Variants in PLEKHH2 observed in about 807,000 individuals in gnomAD.
PLEKHH2 encodes pleckstrin homology, MyTH4 and FERM domain containing H2.
A neutral mutation model predicts 187.9 loss-of-function variants in PLEKHH2; 129 were observed. The ratio of observed to expected loss-of-function variants is 0.69; its 90% CI spans 0.59 to 0.79. PLEKHH2 has a LOEUF of 0.79. PLEKHH2 is among the 30% of genes least tolerant of loss of function. The probability of loss-of-function intolerance (pLI) is 0.00; values close to 1 mark genes in which losing one functional copy is unlikely to be tolerated. For synonymous variants in PLEKHH2, 686 were observed against 605.6 expected (o/e 1.13, Z -1.95); for missense variants, 2,076 against 1,751.2 (o/e 1.19, Z -3.31).
chr2:43,753,591 A>G lies in PLEKHH2; in HGVS notation c.3654-28A>G, dbSNP rs1271436016. On this transcript the variant is annotated intron_variant, in intron 24 of 29. Transcript: ENST00000282406. ...TATTTCCTTGTAAGAATATAATTTAATGAGAAATTTACTCTTTTTTTTTAC... is the reference window on the plus strand; with the variant it reads ...TATTTCCTTGTAAGAATATAATTTAGTGAGAAATTTACTCTTTTTTTTTAC... 3 of 1,424,712 alleles carry G rather than the reference A, an allele frequency of 2.1e-6. No individual in the cohort carries two copies. In the African/African-American group the frequency reaches 4.4e-5, roughly 21 times the overall value. 88.3% of individuals were successfully genotyped at this position (1,424,712 alleles called of 1,614,324 possible). A position where few individuals can be genotyped will look rare whatever the true frequency, so the allele number is the denominator to read the frequency against.
chr2:43,676,558 C>A (rs547120374), intron 2 of PLEKHH2, among the ~76,000 whole-genome samples: 1 of 152,054 alleles, frequency 6.6e-6, no homozygotes, highest in African/African-American at 2.4e-5. Context: ...CACGCCTGGC[C>A]TTCCAACCAG....
chr2:43,685,255 C>G (rs1017399638), intron 3 of PLEKHH2, among the ~76,000 whole-genome samples: 11 of 152,182 alleles, frequency 7.2e-5, no homozygotes, highest in African/African-American at 2.7e-4. Context: ...TCAGCTAAAG[C>G]CAGTGCAACT....
chr2:43,692,686 G>T, intron 4 of PLEKHH2, 23 bp downstream of exon 4: 1 of 1,603,458 alleles, frequency 6.2e-7, no homozygotes, highest in Non-Finnish European at 8.5e-7. Flanking sequence ...TTGATAAAGA[G>T]TTCTAAGTGT....
At chr2:43,735,104 C>T (rs1284031230) in intron 19 of PLEKHH2, among the ~76,000 whole-genome samples, 2 of 152,090 alleles carry the variant, frequency 1.3e-5, no homozygotes, top group African/African-American at 4.8e-5. Flanking sequence ...GCACAAGAAT[C>T]GCTTGAACCT....
rs1018097309 is a variant in PLEKHH2, at chr2:43,767,111, T to C, written c.*1513T>C. ...ATATTATTAAAATGTTCAATTGTAA[T>C]GGTAATCATGAGTATACTTAATTTT... is the stretch of plus-strand genomic sequence containing the variant. On this transcript the variant is annotated 3_prime_UTR_variant, in exon 30 of 30. Transcript: ENST00000282406. The C allele has an allele frequency of 2.0e-5, 3 of 152,712 alleles. No homozygotes were observed. The highest frequency in any genetic ancestry group is 7.2e-5 in the African/African-American group (3 of 41,456). The allele number at this position is 152,712 out of a possible 1,614,324, so 9.5% of individuals were successfully genotyped here.
intron 27 of PLEKHH2, among the ~76,000 whole-genome samples, chr2:43,760,508 G>A (rs946461362): frequency 5.3e-5 from 8 of 151,832 alleles, no homozygotes; most frequent in Non-Finnish European, 1.2e-4. Flanking sequence ...GATTACAGGC[G>A]CACACCACCA....
chr2:43,745,890 G>C lies in PLEKHH2; in HGVS notation c.3580G>C (p.Glu1194Gln), dbSNP rs1271745446. ...GATTTGTGACATTATTTCCAAATGG[G>C]AACAGGCTTCCAAAGAACAGCAGCC... ...IKICDIISKWEQASKEQQPGK... is the reference protein window; with the variant it reads ...IKICDIISKWQQASKEQQPGK... Residue 1194 changes from glutamate (E) to glutamine (Q), a missense_variant, in exon 24 of 30, where the codon GAA (glutamate) becomes CAA (glutamine). Coordinates refer to ENST00000282406, the MANE Select transcript of PLEKHH2 (RefSeq NM_172069.4). 3 of 1,611,484 alleles carry C rather than the reference G, an allele frequency of 1.9e-6. No homozygotes were observed. The highest frequency in any genetic ancestry group is 2.5e-6 in the Non-Finnish European group (3 of 1,178,366).
intron 11 of PLEKHH2, among the ~76,000 whole-genome samples, chr2:43,708,814 TGGGCCTTAGCCATGACAATCACTGA>T (rs1169014411): frequency 5.3e-5 from 8 of 152,204 alleles, no homozygotes; most frequent in Non-Finnish European, 1.0e-4. Flanking sequence ...TTAGTCTCCT[TGGGCCTTAGCCATGACAATCACTGA>T]GGTCCCTATA....
At chr2:43,760,334 C>T (rs1672372513) in intron 27 of PLEKHH2, among the ~76,000 whole-genome samples, 1 of 147,790 alleles carries the variant, frequency 6.8e-6, no homozygotes, top group Admixed American at 6.7e-5. Context: ...TGGTAAAATA[C>T]ACATAATGAA....
At chr2:43,723,973 G>T (rs985309359) in intron 16 of PLEKHH2, among the ~76,000 whole-genome samples, 1 of 152,210 alleles carries the variant, frequency 6.6e-6, no homozygotes, top group African/African-American at 2.4e-5. Context: ...ATTCTAGATA[G>T]ATTCTGAAAG....
At chr2:43,648,768 C>T (rs188205320) in intron 2 of PLEKHH2, among the ~76,000 whole-genome samples, 12 of 151,668 alleles carry the variant, frequency 7.9e-5, no homozygotes, top group Middle Eastern at 3.4e-3. Context: ...TGGGTAGAGA[C>T]GGGGTTTCAC....
chr2:43,647,419 G>C (rs1343327842), intron 2 of PLEKHH2, among the ~76,000 whole-genome samples: 1 of 152,146 alleles, frequency 6.6e-6, no homozygotes. Flanking sequence ...AAGCCTGAAG[G>C]CTTAGCTATC....
chr2:43,702,627 G>C (rs59749189), intron 8 of PLEKHH2, among the ~76,000 whole-genome samples: 1 of 144,346 alleles, frequency 6.9e-6, no homozygotes. Flanking sequence ...CCTTCCAGCA[G>C]ACTGGCCAAG....
chr2:43,676,357 G>C (rs1338658819), intron 2 of PLEKHH2: 11 of 1,527,516 alleles, frequency 7.2e-6, no homozygotes, highest in Non-Finnish European at 9.7e-6. Flanking sequence ...CAGGGTCAAA[G>C]GCAGCCTGGG....
chr2:43,679,014 C>T, intron 3 of PLEKHH2, 89 bp downstream of exon 3: 1 of 805,312 alleles, frequency 1.2e-6, no homozygotes, highest in East Asian at 2.5e-5. Flanking sequence ...ATTATCAGCC[C>T]ACCTCTACAT....
intron 19 of PLEKHH2, among the ~76,000 whole-genome samples, chr2:43,737,573 G>C (rs1671354551): frequency 6.6e-6 from 1 of 152,148 alleles, no homozygotes; most frequent in South Asian, 2.1e-4. Context: ...GCAGGCATCT[G>C]AAGATTGGAA....
intron 2 of PLEKHH2, among the ~76,000 whole-genome samples, chr2:43,678,292 A>G (rs1667965793): frequency 6.6e-6 from 1 of 151,936 alleles, no homozygotes; most frequent in East Asian, 1.9e-4. Context: ...GACGCTCCTC[A>G]CTTCCCAGAC....
intron 1 of PLEKHH2, among the ~76,000 whole-genome samples, chr2:43,642,348 A>G (rs571668168): frequency 2.6e-5 from 4 of 152,200 alleles, no homozygotes; most frequent in Admixed American, 1.3e-4. Flanking sequence ...GCTAAACTCT[A>G]TAGTTTAGTA....
Position 43,700,415 on chromosome 2 carries a change from A to C in PLEKHH2, c.1457A>C (p.Glu486Ala). ...ISMIRPLRPQ[E>A]TDLDLVDGDS... ...ATGATACGACCACTGAGACCTCAGG[A>C]AACTGATCTTGATCTAGTTGATGGA... The change falls in exon 8 of 30, where the codon GAA becomes GCA. Residue 486 changes from glutamate to alanine, a missense_variant. Glu to Ala is a moderately radical substitution (Grantham distance 107). Coordinates refer to ENST00000282406, the MANE Select transcript of PLEKHH2 (RefSeq NM_172069.4). The C allele has an allele frequency of 6.2e-7, 1 of 1,614,154 alleles. No homozygotes were observed. The highest frequency in any genetic ancestry group is 1.1e-5 in the South Asian group (1 of 91,082).
Sources: allele counts gnomAD v4.1 joint callset (sites outside exome capture counted in the v4.1 genomes callset), GRCh38; gene constraint gnomAD v4.1.1; transcripts MANE v1.5; gene names NCBI Gene and HGNC (gene_info 2026-07-23, HGNC 2026-07-21).